The following GNB4 variants were observed in gnomAD, a reference collection of about 807,000 sequenced individuals.
GNB4 encodes guanine nucleotide-binding protein subunit beta-4.
In GNB4, 28 loss-of-function variants were observed where a neutral mutation model predicts 45.2. The ratio of observed to expected loss-of-function variants is 0.62; its 90% CI spans 0.46 to 0.85. GNB4 has a LOEUF of 0.85. Ranked by LOEUF, GNB4 falls within the 40% of genes least tolerant of loss-of-function variation. GNB4 has a pLI of 0.00. For synonymous variants in GNB4, 132 were observed against 143.7 expected, an observed-to-expected ratio of 0.92 and a Z score of 0.58; for missense variants, 321 against 425.4, an observed-to-expected ratio of 0.75 and a Z score of 2.16.
the GNB4 span, among the ~76,000 whole-genome samples, chr3:179,521,545 T>TA: frequency 6.6e-6 from 1 of 152,216 alleles, no homozygotes; most frequent in Non-Finnish European, 1.5e-5. Flanking sequence ...GTCATACTCC[T>TA]ATTCACCATT....
chr3:179,452,530 A>G (rs1244130525), upstream of GNB4: 3 of 152,206 alleles, frequency 2.0e-5, no homozygotes, highest in East Asian at 5.8e-4. Context: ...CAGCCTTCCA[A>G]TCCTCCTTCT....
the GNB4 span, among the ~76,000 whole-genome samples, chr3:179,462,561 G>A: frequency 2.6e-5 from 4 of 152,084 alleles, no homozygotes; most frequent in East Asian, 1.9e-4. Flanking sequence ...TTGGTTGGCC[G>A]GGCATGGTGG....
the GNB4 span, among the ~76,000 whole-genome samples, chr3:179,518,702 T>C: frequency 2.0e-5 from 3 of 152,230 alleles, no homozygotes; most frequent in Admixed American, 2.0e-4. Flanking sequence ...TCAAGGTTAA[T>C]GCTCCTTTTT....
At chr3:179,408,096 T>C (rs1714528971) in intron 8 of GNB4, among the ~76,000 whole-genome samples, 1 of 152,160 alleles carries the variant, frequency 6.6e-6, no homozygotes, top group South Asian at 2.1e-4. Flanking sequence ...TTTTTATGAA[T>C]ATAAAATTAT....
chr3:179,464,752 C>T, the GNB4 span: 1 of 1,213,630 alleles, frequency 8.2e-7, no homozygotes, highest in African/African-American at 1.5e-5. Flanking sequence ...CTGCCTCTTC[C>T]AGACATATTG....
In GNB4 at chr3:179,396,310, G is replaced by A. The variant is rs1185887226; in HGVS notation, c.*4903C>T. 6.6e-6 allele frequency: 1 copy of A among 152,146 alleles called. No individual in the cohort carries two copies. The allele number at this position is 152,146 out of a possible 1,614,324, so 9.4% of individuals were successfully genotyped here. ...CTGACATTCATGTTCAGTTGACCAC[G>A]AGTGTGTACAAATCATTCTAGGTAA... is the stretch of plus-strand genomic sequence containing the variant. On this transcript the variant is annotated 3_prime_UTR_variant, in exon 10 of 10. Transcript: ENST00000232564.
At chr3:179,417,531 C>A (rs1417425824) in intron 4 of GNB4, among the ~76,000 whole-genome samples, 3 of 151,988 alleles carry the variant, frequency 2.0e-5, no homozygotes, top group Non-Finnish European at 4.4e-5. Flanking sequence ...CCTCAGCCTC[C>A]CGAATAGCTG....
chr3:179,421,727 T>C (rs1028978824), intron 2 of GNB4, among the ~76,000 whole-genome samples: 12 of 152,248 alleles, frequency 7.9e-5, no homozygotes, highest in Non-Finnish European at 1.6e-4. Context: ...AGACATGATC[T>C]TTCTGGCTGC....
the GNB4 span, among the ~76,000 whole-genome samples, chr3:179,460,929 T>C: frequency 6.6e-6 from 1 of 152,188 alleles, no homozygotes; most frequent in Non-Finnish European, 1.5e-5. Context: ...TGGCAGGAAA[T>C]ACAGATGTTT....
At chr3:179,521,247 T>C in the GNB4 span, among the ~76,000 whole-genome samples, 6 of 152,216 alleles carry the variant, frequency 3.9e-5, no homozygotes, top group Admixed American at 2.0e-4. Context: ...CAGCCTTTAT[T>C]AGTCAAATCA....
At chr3:179,504,813 C>T in the GNB4 span, among the ~76,000 whole-genome samples, 1 of 152,158 alleles carries the variant, frequency 6.6e-6, no homozygotes, top group South Asian at 2.1e-4. Flanking sequence ...AAGGCATCTT[C>T]ATTCTAGAGG....
chr3:179,511,140 C>G, the GNB4 span, among the ~76,000 whole-genome samples: 1 of 152,196 alleles, frequency 6.6e-6, no homozygotes, highest in South Asian at 2.1e-4. Context: ...CACCATGTTC[C>G]ACCTGCTCAA....
At chr3:179,461,739 A>G in the GNB4 span, among the ~76,000 whole-genome samples, 2 of 152,198 alleles carry the variant, frequency 1.3e-5, no homozygotes, top group African/African-American at 4.8e-5. Flanking sequence ...ACCTTCAACT[A>G]CTATGACATT....
rs1553849438 is a variant in GNB4 at position 179,396,202 on chromosome 3, TG to T, written c.*5010del. On this transcript the variant is annotated 3_prime_UTR_variant, in exon 10 of 10. Transcript: ENST00000232564. ...GAAAGATCTAAGAACAGTTAAATCA[TG>T]ATACAAGTCCATAGTTTATATGGTT... The T allele has an allele frequency of 2.6e-5, 4 of 152,250 alleles. No homozygotes were observed. Among genetic ancestry groups the T allele is most frequent in the Non-Finnish European group, 5.9e-5 (4 of 68,040 alleles). The allele number at this position is 152,250 out of a possible 1,614,324, so 9.4% of individuals were successfully genotyped here.
intron 4 of GNB4, among the ~76,000 whole-genome samples, chr3:179,419,056 T>G (rs575764779): frequency 5.3e-5 from 8 of 152,368 alleles, no homozygotes; most frequent in African/African-American, 1.9e-4. Context: ...AACTTGCACA[T>G]AGGTGTTCAA....
chr3:179,423,350 T>C (rs956632130), intron 2 of GNB4, among the ~76,000 whole-genome samples: 1 of 152,184 alleles, frequency 6.6e-6, no homozygotes, highest in Non-Finnish European at 1.5e-5. Context: ...AAGTCCAACA[T>C]GCTGTACAAG....
chr3:179,451,112 CG>C (rs1294402181), intron 1 of GNB4: 1 of 152,120 alleles, frequency 6.6e-6, no homozygotes, highest in African/African-American at 2.4e-5. Context: ...GTGCCTGCGC[CG>C]GCGGTCGTGG....
At chr3:179,412,316 A>AAAC (rs76034022) in intron 8 of GNB4, among the ~76,000 whole-genome samples, 11 of 147,100 alleles carry the variant, frequency 7.5e-5, no homozygotes, top group Admixed American at 3.4e-4. Context: ...AAGATTAAAA[A>AAAC]AAACAAACAA....
chr3:179,418,869 C>T (rs888202708), intron 4 of GNB4, among the ~76,000 whole-genome samples: 10 of 152,248 alleles, frequency 6.6e-5, no homozygotes, highest in African/African-American at 1.4e-4. Flanking sequence ...CTGTAGGCCA[C>T]GTAGCAGCTG....
Sources: gnomAD v4.1 joint callset for allele counts (sites outside exome capture counted in the v4.1 genomes callset) on GRCh38, gnomAD v4.1.1 for gene constraint, MANE v1.5 for transcripts, NCBI Gene and HGNC (gene_info 2026-07-23, HGNC 2026-07-21) for gene names.